POU2F1: variants seen among roughly 807,000 people sequenced by gnomAD.
POU2F1 encodes POU domain, class 2, transcription factor 1.
POU2F1 carries 16 observed loss-of-function variants against 84.9 expected under a neutral mutation model. That is an observed-to-expected ratio of 0.19 (90% CI 0.13 to 0.29). The LOEUF (loss-of-function observed/expected upper bound fraction) is 0.29, where lower values mean the gene tolerates loss of function less well. Ranked by LOEUF, POU2F1 falls within the 10% of genes least tolerant of loss-of-function variation. The pLI, the probability that POU2F1 is intolerant of heterozygous loss-of-function variation, is 1.00. For missense variants in POU2F1, 738 were observed against 942.6 expected (o/e 0.78, Z 2.84); for synonymous variants, 368 against 368.3 (o/e 1.00, Z 0.01).
At chr1:167,277,149 C>G (rs548363212) in intron 1 of POU2F1, among the ~76,000 whole-genome samples, 21 of 152,152 alleles carry the variant, frequency 1.4e-4, no homozygotes, top group Admixed American at 2.6e-4. Flanking sequence ...CTTTTTTTCC[C>G]TGAAAGCTGT....
Position 167,401,564 on chromosome 1 carries a change from G to C in POU2F1, c.1555+8G>C. 1 of 1,592,848 alleles carries C rather than the reference G, an allele frequency of 6.3e-7. No individual in the cohort carries two copies. Among genetic ancestry groups the C allele is most frequent in the Non-Finnish European group, 8.6e-7 (1 of 1,166,872 alleles). ...CGAATCTTTCAGTTACAGGTAAGCAGCTGCCAGGCCATGCACCTGCTGAGC... is the reference window on the plus strand; with the variant it reads ...CGAATCTTTCAGTTACAGGTAAGCACCTGCCAGGCCATGCACCTGCTGAGC... On this transcript the variant is annotated splice_region_variant and intron_variant, in intron 13 of 15. Transcript: ENST00000367866.
chr1:167,354,179 C>G (rs1330624711), intron 2 of POU2F1, among the ~76,000 whole-genome samples: 1 of 152,160 alleles, frequency 6.6e-6, no homozygotes. Context: ...TATTGATGGA[C>G]ATTTGGGTTA....
At chr1:167,227,104 C>G (rs1648689729) in intron 1 of POU2F1, among the ~76,000 whole-genome samples, 1 of 152,062 alleles carries the variant, frequency 6.6e-6, no homozygotes, top group South Asian at 2.1e-4. Flanking sequence ...TTTTAAACTG[C>G]TGGAACTCCT....
intron 1 of POU2F1, among the ~76,000 whole-genome samples, chr1:167,267,431 T>C (rs1427683506): frequency 6.6e-6 from 1 of 152,098 alleles, no homozygotes. Flanking sequence ...TGATCTTACT[T>C]ATAACTAGCT....
chr1:167,394,400 G>T (rs1044326646), intron 9 of POU2F1, among the ~76,000 whole-genome samples: 1 of 152,160 alleles, frequency 6.6e-6, no homozygotes, highest in Non-Finnish European at 1.5e-5. Flanking sequence ...AGACATATTT[G>T]TATACAGTAT....
chr1:167,361,990 C>T (rs973737615), intron 2 of POU2F1, among the ~76,000 whole-genome samples: 1 of 151,928 alleles, frequency 6.6e-6, no homozygotes, highest in African/African-American at 2.4e-5. Flanking sequence ...ATGTAGGGTG[C>T]TCCTTTTCTC....
At chr1:167,414,240 T>G (rs1650159940) in intron 15 of POU2F1, 1 of 830,010 alleles carries the variant, frequency 1.2e-6, no homozygotes, top group African/African-American at 1.9e-5. Flanking sequence ...AATTTTTTTT[T>G]GCAATAGAAT....
At chr1:167,384,963 A>T (rs929524758) in intron 8 of POU2F1, among the ~76,000 whole-genome samples, 1 of 152,146 alleles carries the variant, frequency 6.6e-6, no homozygotes, top group Admixed American at 6.5e-5. Context: ...ATCTTAAGGA[A>T]TCTACCAAAA....
At chr1:167,243,941 C>T (rs930175575) in intron 1 of POU2F1, among the ~76,000 whole-genome samples, 1 of 152,158 alleles carries the variant, frequency 6.6e-6, no homozygotes, top group African/African-American at 2.4e-5. Flanking sequence ...CCCTCTTATC[C>T]GTAGCTGCCC....
In POU2F1 at chr1:167,419,212, C is replaced by T. The variant is rs1489682934; in HGVS notation, c.*3402C>T. On this transcript the variant is annotated 3_prime_UTR_variant, in exon 16 of 16. Transcript: ENST00000367866. ...CTTTTAGCCACCTTATATGGGAGAG[C>T]CTGGAAACTAAAGGGGACCAGGGAC... is the stretch of plus-strand genomic sequence containing the variant. 1 of 152,108 alleles carries T rather than the reference C, an allele frequency of 6.6e-6. No individual in the cohort carries two copies. Among genetic ancestry groups the T allele is most frequent in the African/African-American group, 2.4e-5 (1 of 41,420 alleles). The allele number at this position is 152,108 out of a possible 1,614,324, so 9.4% of individuals were successfully genotyped here.
At chr1:167,413,154 T>TGTGTGTGA in intron 15 of POU2F1, 40 bp downstream of exon 15, 1 of 1,395,868 alleles carries the variant, frequency 7.2e-7, no homozygotes, top group Non-Finnish European at 9.8e-7. Context: ...GGCATGCACG[T>TGTGTGTGA]GTGTGTGAGT....
chr1:167,291,769 A>G (rs1653939775), intron 1 of POU2F1, among the ~76,000 whole-genome samples: 1 of 152,216 alleles, frequency 6.6e-6, no homozygotes, highest in Admixed American at 6.5e-5. Context: ...GTTTTCCAAT[A>G]TGAAAATAAT....
At chr1:167,323,072 C>G (rs142176208) in intron 1 of POU2F1, among the ~76,000 whole-genome samples, 2 of 152,338 alleles carry the variant, frequency 1.3e-5, no homozygotes, top group African/African-American at 4.8e-5. Flanking sequence ...GGGGCCTATC[C>G]TCAACACGTT....
chr1:167,396,608 A>G, intron 10 of POU2F1, 181 bp downstream of exon 10: 2 of 627,624 alleles, frequency 3.2e-6, no homozygotes, highest in East Asian at 2.9e-5. Flanking sequence ...ATTCATTTAA[A>G]TATTCTAGTA....
chr1:167,278,339 T>C (rs977013863), intron 1 of POU2F1, among the ~76,000 whole-genome samples: 26 of 152,244 alleles, frequency 1.7e-4, no homozygotes, highest in African/African-American at 5.8e-4. Context: ...TTTGTTATTA[T>C]GTATCTCTGA....
rs1319839148 is a variant in POU2F1 at position 167,376,052 on chromosome 1, T to G, written c.615T>G (p.Leu205=). 1 of 1,614,126 alleles carries G rather than the reference T, an allele frequency of 6.2e-7. No individual in the cohort carries two copies. The highest frequency in any genetic ancestry group is 8.5e-7 in the Non-Finnish European group (1 of 1,180,040). Residue 205 remains leucine, a synonymous_variant, in exon 7 of 16, where the codon CTT becomes CTG. Transcript: ENST00000367866. ...IAQDLQQLQQ[L]QQQNLNLQQF... is the part of the protein sequence containing the mutation. ...AGGATCTTCAACAACTGCAACAGCT[T>G]CAACAGCAGAATCTCAACCTGCAAC... is the stretch of plus-strand genomic sequence containing the variant.
intron 1 of POU2F1, among the ~76,000 whole-genome samples, chr1:167,276,119 T>TA (rs1402247714): frequency 6.6e-6 from 1 of 152,192 alleles, no homozygotes; most frequent in Non-Finnish European, 1.5e-5. Context: ...ATCCAAGACA[T>TA]AATTTATAAG....
intron 15 of POU2F1, chr1:167,414,851 T>TTGCAAGATG (rs1282840248): frequency 1.1e-5 from 7 of 621,304 alleles, no homozygotes; most frequent in East Asian, 1.4e-4. Context: ...TAAAGCCTTT[T>TTGCAAGATG]TGCAAGATGA....
In POU2F1 at chr1:167,327,674, T is replaced by G. The variant is rs981751461; in HGVS notation, c.62-4796T>G. Among the ~76,000 whole-genome samples, 5 of 152,348 alleles carry G rather than the reference T, an allele frequency of 3.3e-5. 1 individual carries two copies. Among genetic ancestry groups the G allele is most frequent in the African/African-American group, 1.2e-4 (5 of 41,582 alleles). ...TAAACACAATGTCTTTGCTGCCGTT[T>G]ACTGGTTTCTTCACTACACGGAAAA... On this transcript the variant is annotated intron_variant, in intron 1 of 15. Coordinates refer to ENST00000367866, the MANE Select transcript of POU2F1 (RefSeq NM_002697.4).
Sources: allele counts gnomAD v4.1 joint callset (sites outside exome capture counted in the v4.1 genomes callset), GRCh38; gene constraint gnomAD v4.1.1; transcripts MANE v1.5; gene names NCBI Gene and HGNC (gene_info 2026-07-23, HGNC 2026-07-21).